The following RFLNA variants were observed in gnomAD, a reference collection of about 807,000 sequenced individuals.
RFLNA encodes refilin-A.
A neutral mutation model predicts 7.8 loss-of-function variants in RFLNA; 5 were observed. The observed-to-expected ratio is 0.64, with a 90% CI of 0.34 to 1.35. The LOEUF is 1.35. Ranked by LOEUF, RFLNA falls within the 40% of genes most tolerant of loss-of-function variation. The pLI, the probability that RFLNA is intolerant of heterozygous loss-of-function variation, is 0.04. For synonymous variants in RFLNA, 141 were observed against 131.3 expected (o/e 1.07, Z -0.50); for missense variants, 278 against 305.5 (o/e 0.91, Z 0.67).
rs2034135607 is a variant in RFLNA, at chr12:124,306,250, G to T, written c.208-5568G>T. On this transcript the variant is annotated intron_variant, in intron 1 of 2. Transcript: ENST00000546355. The surrounding 1 kb of genome is among the most constrained non-coding windows in gnomAD (Gnocchi z 5.2). ...TCTGGGGGTGACAGACACGCAAAGG[G>T]GTTATCGCGATGAAGGCCAGTAGAT... 6.6e-6 allele frequency among the ~76,000 whole-genome samples: 1 copy of T among 152,184 alleles called. No individual in the cohort carries two copies. Among genetic ancestry groups the T allele is most frequent in the South Asian group, 2.1e-4 (1 of 4,822 alleles).
chr12:124,305,633 C>T (rs987048139), intron 1 of RFLNA, among the ~76,000 whole-genome samples: 12 of 152,214 alleles, frequency 7.9e-5, no homozygotes, highest in Non-Finnish European at 1.3e-4. Context: ...TGGCCCCTTC[C>T]TCCTCATCAA....
intron 1 of RFLNA, among the ~76,000 whole-genome samples, chr12:124,297,244 GC>G (rs2033945240): frequency 6.6e-6 from 1 of 152,196 alleles, no homozygotes; most frequent in Admixed American, 6.5e-5. Context: ...GCCCGTGGCT[GC>G]CGCAAGAATA....
In RFLNA at chr12:124,311,851, G is replaced by A; in HGVS notation, c.241G>A (p.Glu81Lys). 1 of 1,600,964 alleles carries A rather than the reference G, an allele frequency of 6.2e-7. No homozygotes were observed. Among genetic ancestry groups the A allele is most frequent in the Admixed American group, 1.7e-5 (1 of 58,488 alleles). The change falls in exon 2 of 3, where the codon GAG (glutamate) becomes AAG (lysine). Residue 81 changes from glutamate (E) to lysine (K), a missense_variant. Glu to Lys is a moderately conservative substitution (Grantham distance 56). Transcript: ENST00000546355. ...CCAACTCCCAAATCCCCCGGCGTCGGAGATGAGGCCCCGGATGCTGCCAGT... is the reference window on the plus strand; with the variant it reads ...CCAACTCCCAAATCCCCCGGCGTCGAAGATGAGGCCCCGGATGCTGCCAGT... The part of the protein sequence containing the change: ...PSQLPNPPAS[E>K]MRPRMLPVFF...
rs1223265936 is a variant in RFLNA at position 124,295,584 on chromosome 12, C to G, written c.155C>G (p.Ala52Gly). Residue 52 changes from alanine (A) to glycine (G), a missense_variant, in exon 1 of 3, where the codon GCG becomes GGG. Coordinates refer to ENST00000546355, the MANE Select transcript of RFLNA (RefSeq NM_001365156.1). The stretch of plus-strand genomic sequence containing the variant: ...GCGCCCGGCATCCTCGACGCGCGCG[C>G]GGGGGGCGCCGGCGCCTCCTCGGAG... ...SLAPGILDAR[A>G]GGAGASSEPP... The G allele has an allele frequency of 6.0e-5, 75 of 1,243,152 alleles. No individual in the cohort carries two copies. The East Asian group carries it at 2.1e-3, about 36-fold the overall frequency. The allele number at this position is 1,243,152 out of a possible 1,614,324, so 77.0% of individuals were successfully genotyped here.
chr12:124,297,526 T>C (rs1476605683), intron 1 of RFLNA, among the ~76,000 whole-genome samples: 1 of 152,222 alleles, frequency 6.6e-6, no homozygotes, highest in Non-Finnish European at 1.5e-5. Flanking sequence ...TAGCCCCATT[T>C]TCCAGAGGCG....
chr12:124,295,046 G>A (rs548137066), upstream of RFLNA, among the ~76,000 whole-genome samples: 1 of 152,082 alleles, frequency 6.6e-6, no homozygotes, highest in African/African-American at 2.4e-5. Context: ...GGAGAGGAAG[G>A]GGGAGGAGGA....
At chr12:124,310,525 GT>G (rs1233330326) in intron 1 of RFLNA, among the ~76,000 whole-genome samples, 24 of 143,588 alleles carry the variant, frequency 1.7e-4, no homozygotes, top group South Asian at 4.6e-4. Context: ...GGAGGGGGAG[GT>G]GGACTGCAGG....
chr12:124,314,529 G>A lies in RFLNA; in HGVS notation c.*4G>A, dbSNP rs1016105509. On this transcript the variant is annotated 3_prime_UTR_variant, in exon 3 of 3. Transcript: ENST00000546355. ...CCTGGGCCCTGCCACGCTCTGACGG[G>A]GCTGGGGCCGGCCCGGGGTGCTGGA... 6.4e-7 allele frequency: 1 copy of A among 1,566,124 alleles called. No homozygotes were observed.
chr12:124,314,282 G>A lies in RFLNA; in HGVS notation c.408G>A (p.Glu136=), dbSNP rs762354179. The change falls in exon 3 of 3, where the codon GAG becomes GAA. Residue 136 remains glutamate, a synonymous_variant. Coordinates refer to ENST00000546355, the MANE Select transcript of RFLNA (RefSeq NM_001365156.1). ...APVPTVTAYS[E]TIVAAPNCTW... ...TACCCACCGTCACGGCCTACAGCGA[G>A]ACCATCGTGGCAGCACCCAACTGCA... 3.1e-6 allele frequency: 5 copies of A among 1,613,636 alleles called. No individual in the cohort carries two copies. In the Admixed American group the frequency reaches 8.3e-5, roughly 27 times the overall value.
intron 2 of RFLNA, 93 bp downstream of exon 2, chr12:124,312,020 C>A: frequency 7.2e-7 from 1 of 1,381,830 alleles, no homozygotes. Flanking sequence ...GGGACTAGGC[C>A]AAGCTGGGGG....
chr12:124,300,765 T>C (rs146139387), intron 1 of RFLNA, among the ~76,000 whole-genome samples: 14,432 of 75,038 alleles, frequency 0.19, 713 homozygotes, highest in East Asian at 0.25. Context: ...GATGGATGGA[T>C]GGATGGATTG....
chr12:124,295,329 G>T lies in RFLNA; in HGVS notation c.-101G>T, dbSNP rs2033887057. 1 of 604,664 alleles carries T rather than the reference G, an allele frequency of 1.7e-6. No homozygotes were observed. Among genetic ancestry groups the T allele is most frequent in the Non-Finnish European group, 2.3e-6 (1 of 431,758 alleles). The allele number at this position is 604,664 out of a possible 1,614,324, so 37.5% of individuals were successfully genotyped here. The stretch of plus-strand genomic sequence containing the variant: ...CCTCTCGCGGTGCCCGCAGGTCCCC[G>T]GGCGCGCAGCTCTCGCCCCGCCGCC... On this transcript the variant is annotated 5_prime_UTR_variant, in exon 1 of 3. Transcript: ENST00000546355.
rs552557555 is a variant in RFLNA at position 124,295,405 on chromosome 12, G to A, written c.-25G>A. ...TGGAGAAGCCCCCGGAGGAGCGGGG[G>A]GCCCGCGCCCCGCGCCCCCCAGACA... On this transcript the variant is annotated 5_prime_UTR_variant, in exon 1 of 3. Transcript: ENST00000546355. The A allele has an allele frequency of 1.0e-5, 12 of 1,201,954 alleles. No individual in the cohort carries two copies. In the South Asian group the frequency reaches 4.6e-4, roughly 46 times the overall value. The allele number at this position is 1,201,954 out of a possible 1,614,324, so 74.5% of individuals were successfully genotyped here.
chr12:124,304,827 C>A (rs1403741040), intron 1 of RFLNA, among the ~76,000 whole-genome samples: 1 of 152,220 alleles, frequency 6.6e-6, no homozygotes, highest in Admixed American at 6.5e-5. Context: ...CCTCTCTCCT[C>A]CCCTGTGGCT....
At chr12:124,309,226 G>C (rs1047140149) in intron 1 of RFLNA, among the ~76,000 whole-genome samples, 2 of 152,130 alleles carry the variant, frequency 1.3e-5, no homozygotes, top group Non-Finnish European at 2.9e-5. Flanking sequence ...ATCACATCCC[G>C]AGTGGCACTG....
At position 124,295,391 on chromosome 12, in the gene RFLNA, C is replaced by T; in HGVS notation, c.-39C>T. 8.5e-7 allele frequency: 1 copy of T among 1,179,278 alleles called. No individual in the cohort carries two copies. The highest frequency in any genetic ancestry group is 1.1e-6 in the Non-Finnish European group (1 of 941,846). 73.1% of individuals were successfully genotyped at this position (1,179,278 alleles called of 1,614,324 possible). ...GCCCCGGAGCGCGGTGGAGAAGCCC[C>T]CGGAGGAGCGGGGGGCCCGCGCCCC... On this transcript the variant is annotated 5_prime_UTR_variant, in exon 1 of 3. Transcript: ENST00000546355.
intron 1 of RFLNA, among the ~76,000 whole-genome samples, chr12:124,302,402 T>C (rs1566323931): frequency 6.6e-6 from 1 of 152,132 alleles, no homozygotes; most frequent in Non-Finnish European, 1.5e-5. Flanking sequence ...GTGGGTTCCT[T>C]GCTGGGCCCT....
At chr12:124,308,102 G>C (rs10773084) in intron 1 of RFLNA, among the ~76,000 whole-genome samples, 84,989 of 151,666 alleles carry the variant, frequency 0.56, 27,599 homozygotes, top group Non-Finnish European at 0.74. Flanking sequence ...CTGCCTCAGC[G>C]TCCCTAGTAG....
intron 1 of RFLNA, among the ~76,000 whole-genome samples, chr12:124,296,126 C>CTTTCTTTCTTTCTTTCTTTCTTTCTT (rs1566320083): frequency 2.0e-3 from 3 of 1,522 alleles, no homozygotes; most frequent in South Asian, 0.028. Context: ...CTTTCTTTCT[C>CTTTCTTTCTTTCTTTCTTTCTTTCTT]TCTCTCTCTC....
Sources: gnomAD v4.1 joint callset for allele counts (sites outside exome capture counted in the v4.1 genomes callset) on GRCh38, gnomAD v4.1.1 for gene constraint, Gnocchi (gnomAD v3.1) non-coding constraint, MANE v1.5 for transcripts, NCBI Gene and HGNC (gene_info 2026-07-23, HGNC 2026-07-21) for gene names.